Variants in CDK19 observed in about 807,000 individuals in gnomAD.
CDK19 encodes cyclin dependent kinase 19.
A neutral mutation model predicts 68.3 loss-of-function variants in CDK19; 20 were observed. That is an observed-to-expected ratio of 0.29 (90% confidence interval 0.21 to 0.43). The LOEUF is 0.43. Ranked by LOEUF, CDK19 falls within the 20% of genes least tolerant of loss-of-function variation. CDK19 has a pLI of 1.00. For missense variants in CDK19, 339 were observed against 623.5 expected, an observed-to-expected ratio of 0.54 and a Z score of 4.86; for synonymous variants, 221 against 222.8, an observed-to-expected ratio of 0.99 and a Z score of 0.07.
chr6:110,767,572 T>A (rs1052648602), intron 1 of CDK19, among the ~76,000 whole-genome samples: 1 of 139,726 alleles, frequency 7.2e-6, no homozygotes, highest in African/African-American at 2.6e-5. Context: ...GCCAGGCTGG[T>A]CTCGAACTCC....
chr6:110,667,497 T>C lies in CDK19; in HGVS notation c.393A>G (p.Leu131=), dbSNP rs970862767. Residue 131 remains leucine, a synonymous_variant, in exon 4 of 13, where the codon TTA becomes TTG. Transcript: ENST00000368911. ...GGATACCATCAAGAATCTGGTAAAG[T>C]AAGGATTTAACCATAGATCTTGGCA... ...MQLPRSMVKS[L]LYQILDGIHY... is the part of the protein sequence containing the mutation. 6.3e-7 allele frequency: 1 copy of C among 1,597,154 alleles called. No individual in the cohort carries two copies. Among genetic ancestry groups the C allele is most frequent in the Admixed American group, 1.7e-5 (1 of 59,234 alleles).
chr6:110,800,017 C>G (rs2077315116), intron 1 of CDK19, among the ~76,000 whole-genome samples: 1 of 152,168 alleles, frequency 6.6e-6, no homozygotes, highest in Non-Finnish European at 1.5e-5. Flanking sequence ...ACATATTCAT[C>G]TACTCAGCAG....
At chr6:110,778,687 CT>C (rs1032008934) in intron 1 of CDK19, among the ~76,000 whole-genome samples, 1 of 152,164 alleles carries the variant, frequency 6.6e-6, no homozygotes, top group African/African-American at 2.4e-5. Context: ...CCCTTTCTTC[CT>C]TAGGAACAGA....
At chr6:110,616,113 C>T (rs188583021) in intron 12 of CDK19, among the ~76,000 whole-genome samples, 3 of 152,266 alleles carry the variant, frequency 2.0e-5, no homozygotes, top group Admixed American at 1.3e-4. Flanking sequence ...TCTGATGTCC[C>T]ATTTAGCTGG....
intron 2 of CDK19, among the ~76,000 whole-genome samples, chr6:110,700,282 A>G (rs1773880914): frequency 6.6e-6 from 1 of 152,236 alleles, no homozygotes. Flanking sequence ...ACAATGTAGT[A>G]ATAATAGAAA....
In CDK19 at chr6:110,679,940, T is replaced by C. The variant is rs9481094; in HGVS notation, c.205-9399A>G. 7.9e-3 allele frequency among the ~76,000 whole-genome samples: 1,199 copies of C among 152,212 alleles called. 25 individuals are homozygous for C. The highest frequency in any genetic ancestry group is 0.028 in the African/African-American group (1,147 of 41,552). On this transcript the variant is annotated intron_variant, in intron 2 of 12. Transcript: ENST00000368911. ...CACATAATAAGCATTCAATAAATAT[T>C]TGTCAAATAAATTAAATCTACTCAA... is the stretch of plus-strand genomic sequence containing the variant.
At chr6:110,756,828 C>A (rs976673665) in intron 1 of CDK19, among the ~76,000 whole-genome samples, 1 of 151,984 alleles carries the variant, frequency 6.6e-6, no homozygotes, top group Non-Finnish European at 1.5e-5. Context: ...TGACAATGGG[C>A]TAGTTTGGAA....
In CDK19 at chr6:110,651,694, A is replaced by G. The variant is rs1018614929; in HGVS notation, c.457-12988T>C. ...TGCTTTGTCTGGTTTTGCTATCAAG[A>G]TTATACTGGCTTTCTAGAATATGTT... On this transcript the variant is annotated intron_variant, in intron 4 of 12. Coordinates refer to ENST00000368911, the MANE Select transcript of CDK19 (RefSeq NM_015076.5). 5.3e-5 allele frequency among the ~76,000 whole-genome samples: 8 copies of G among 152,196 alleles called. No individual in the cohort carries two copies. In the South Asian group the frequency reaches 6.2e-4, roughly 12 times the overall value.
chr6:110,665,715 C>T (rs1781880404), intron 4 of CDK19, among the ~76,000 whole-genome samples: 1 of 152,158 alleles, frequency 6.6e-6, no homozygotes, highest in East Asian at 1.9e-4. Flanking sequence ...GAGTTCTTCT[C>T]ATGATCTAGA....
chr6:110,791,596 A>T (rs976335679), intron 1 of CDK19, among the ~76,000 whole-genome samples: 3 of 152,186 alleles, frequency 2.0e-5, no homozygotes, highest in Non-Finnish European at 4.4e-5. Flanking sequence ...AAAACATACC[A>T]CACCATTCAT....
chr6:110,683,201 C>T (rs1321891337), intron 2 of CDK19, among the ~76,000 whole-genome samples: 4 of 141,568 alleles, frequency 2.8e-5, no homozygotes, highest in Non-Finnish European at 6.1e-5. Context: ...AAAAAAAGTA[C>T]ATAGCACGAT....
intron 2 of CDK19, among the ~76,000 whole-genome samples, chr6:110,724,434 G>A (rs974371442): frequency 2.0e-5 from 3 of 152,058 alleles, no homozygotes; most frequent in African/African-American, 7.2e-5. Flanking sequence ...CTCATCCTTA[G>A]GGACACCAAG....
intron 2 of CDK19, among the ~76,000 whole-genome samples, chr6:110,697,326 G>C (rs1383423503): frequency 2.0e-5 from 3 of 151,998 alleles, no homozygotes; most frequent in Non-Finnish European, 4.4e-5. Flanking sequence ...TAGTAGCACT[G>C]CTATGCACCA....
rs1778078911 is a variant in CDK19 at position 110,612,487 on chromosome 6, T to C, written c.*2048A>G. On this transcript the variant is annotated 3_prime_UTR_variant, in exon 13 of 13. Transcript: ENST00000368911. Reference sequence around the variant, plus strand: ...CAGTTTCACTTGTAAGTCAATCACATGGCACAGACATCCCAGGAGGGCTTA... The same window carrying C: ...CAGTTTCACTTGTAAGTCAATCACACGGCACAGACATCCCAGGAGGGCTTA... 6.6e-6 allele frequency: 1 copy of C among 152,532 alleles called. No homozygotes were observed. The highest frequency in any genetic ancestry group is 1.5e-5 in the Non-Finnish European group (1 of 68,048). 9.4% of individuals were successfully genotyped at this position (152,532 alleles called of 1,614,324 possible).
At chr6:110,761,662 G>T (rs758694624) in intron 1 of CDK19, among the ~76,000 whole-genome samples, 1 of 152,140 alleles carries the variant, frequency 6.6e-6, no homozygotes, top group Non-Finnish European at 1.5e-5. Context: ...TTTAGAAATT[G>T]AAGTCATGAG....
intron 2 of CDK19, among the ~76,000 whole-genome samples, chr6:110,719,932 T>G (rs372774828): frequency 6.7e-6 from 1 of 148,622 alleles, no homozygotes; most frequent in South Asian, 2.2e-4. Context: ...CGTTTCACCA[T>G]GTTGGTCAGG....
intron 1 of CDK19, among the ~76,000 whole-genome samples, chr6:110,792,141 T>G (rs1253709417): frequency 6.6e-6 from 1 of 151,844 alleles, no homozygotes; most frequent in African/African-American, 2.4e-5. Context: ...CAGCTAATTT[T>G]TGTATGTTTA....
At chr6:110,631,269 A>G (rs926055551) in intron 6 of CDK19, among the ~76,000 whole-genome samples, 1 of 152,224 alleles carries the variant, frequency 6.6e-6, no homozygotes, top group African/African-American at 2.4e-5. Context: ...TCTAACAGCT[A>G]CAATGTACTC....
intron 2 of CDK19, chr6:110,706,999 T>TAAAAA (rs35488029): frequency 2.3e-5 from 3 of 132,186 alleles, no homozygotes; most frequent in Non-Finnish European, 3.2e-5. Context: ...CTTTTACAGT[T>TAAAAA]AAAAAAAAAA....
Sources: gnomAD v4.1 joint callset for allele counts (sites outside exome capture counted in the v4.1 genomes callset) on GRCh38, gnomAD v4.1.1 for gene constraint, MANE v1.5 for transcripts, NCBI Gene and HGNC (gene_info 2026-07-23, HGNC 2026-07-21) for gene names.